The following TNR variants were observed in gnomAD, a reference collection of about 807,000 sequenced individuals.
TNR encodes tenascin-R.
TNR carries 45 observed loss-of-function variants against 150.4 expected under a neutral mutation model. The observed-to-expected ratio is 0.30, with a 90% CI of 0.24 to 0.38. The LOEUF (loss-of-function observed/expected upper bound fraction) is 0.38, where lower values mean the gene tolerates loss of function less well. Ranked by LOEUF, TNR falls within the 10% of genes least tolerant of loss-of-function variation. TNR has a pLI of 1.00. For missense variants in TNR, 1,544 were observed against 1,759.1 expected, an observed-to-expected ratio of 0.88 and a Z score of 2.19; for synonymous variants, 687 against 678.4, an observed-to-expected ratio of 1.01 and a Z score of -0.20.
At chr1:175,515,068 G>C (rs1350202889) in intron 2 of TNR, among the ~76,000 whole-genome samples, 2 of 152,234 alleles carry the variant, frequency 1.3e-5, no homozygotes, top group African/African-American at 4.8e-5. Flanking sequence ...GTCAGGTTAT[G>C]AAAATAAACT....
At chr1:175,676,742 AT>A (rs1289181211) in intron 1 of TNR, among the ~76,000 whole-genome samples, 1 of 152,236 alleles carries the variant, frequency 6.6e-6, no homozygotes, top group Non-Finnish European at 1.5e-5. Context: ...TGGTATGGGC[AT>A]TTACTATTCT....
intron 1 of TNR, among the ~76,000 whole-genome samples, chr1:175,632,533 C>A (rs1409490717): frequency 6.6e-6 from 1 of 152,118 alleles, no homozygotes; most frequent in Admixed American, 6.5e-5. Flanking sequence ...ATGCTGGTAA[C>A]CATGAATTAA....
chr1:175,669,781 G>T (rs1665640805), intron 1 of TNR, among the ~76,000 whole-genome samples: 2 of 152,170 alleles, frequency 1.3e-5, no homozygotes, highest in African/African-American at 2.4e-5. Flanking sequence ...AGGAATGGGT[G>T]GTTCCCTTCC....
intron 7 of TNR, among the ~76,000 whole-genome samples, chr1:175,387,325 T>C (rs895770133): frequency 5.3e-5 from 8 of 152,252 alleles, no homozygotes; most frequent in African/African-American, 1.9e-4. Context: ...CTGGAGCTGA[T>C]TATTAATGTT....
chr1:175,444,890 G>A (rs1557938305), intron 2 of TNR, among the ~76,000 whole-genome samples: 1 of 152,352 alleles, frequency 6.6e-6, no homozygotes, highest in East Asian at 1.9e-4. Flanking sequence ...AGAGGGGAAA[G>A]CCTGTGCAAA....
At chr1:175,696,245 C>CT (rs1239771931) in intron 1 of TNR, among the ~76,000 whole-genome samples, 1 of 45,828 alleles carries the variant, frequency 2.2e-5, no homozygotes, top group African/African-American at 8.6e-5. Flanking sequence ...TTTTTTTTTT[C>CT]CAAAATTTAA....
intron 2 of TNR, among the ~76,000 whole-genome samples, chr1:175,430,429 G>A (rs1209948620): frequency 6.6e-6 from 1 of 152,128 alleles, no homozygotes; most frequent in South Asian, 2.1e-4. Context: ...TTCTCATATT[G>A]CAGGCTAGGA....
rs1404219333 is a variant in TNR at position 175,735,950 on chromosome 1, G to A, written c.-165+7276C>T. Among the ~76,000 whole-genome samples the A allele has an allele frequency of 6.6e-5, 10 of 152,250 alleles. No individual in the cohort carries two copies. The East Asian group carries it at 1.9e-3, about 29-fold the overall frequency. On this transcript the variant is annotated intron_variant, in intron 1 of 22. Transcript: ENST00000367674. ...ATCAGATTGGCTCTTGGTACTAAAA[G>A]AGTAGGAGAAAAAATAGCCAACACA... is the stretch of plus-strand genomic sequence containing the variant.
chr1:175,352,800 G>A (rs550850256), intron 18 of TNR, among the ~76,000 whole-genome samples: 1 of 152,312 alleles, frequency 6.6e-6, no homozygotes, highest in Non-Finnish European at 1.5e-5. Context: ...GAAGGGAGAA[G>A]AGGACTCGTT....
At chr1:175,482,605 A>C (rs912337120) in intron 2 of TNR, among the ~76,000 whole-genome samples, 1 of 152,208 alleles carries the variant, frequency 6.6e-6, no homozygotes, top group Non-Finnish European at 1.5e-5. Flanking sequence ...GCATATGAAA[A>C]CAAATGTACA....
intron 2 of TNR, among the ~76,000 whole-genome samples, chr1:175,448,234 T>C: frequency 6.6e-6 from 1 of 152,222 alleles, no homozygotes; most frequent in East Asian, 1.9e-4. Context: ...TTTTATTTTT[T>C]TGAGATGGAG....
At chr1:175,563,733 T>C (rs1348463272) in intron 1 of TNR, among the ~76,000 whole-genome samples, 4 of 152,250 alleles carry the variant, frequency 2.6e-5, no homozygotes, top group Admixed American at 6.5e-5. Flanking sequence ...GCATCGCTAT[T>C]GGAATGCATG....
rs144163900 is a variant in TNR at position 175,702,287 on chromosome 1, C to T, written c.-165+40939G>A. ...CAGAGGCAGCTTCTCAGCTCTGCCC[C>T]ACCCACTGAGACGCCTGCTCAGTGC... On this transcript the variant is annotated intron_variant, in intron 1 of 22. Coordinates refer to ENST00000367674, the MANE Select transcript of TNR (RefSeq NM_003285.3). Among the ~76,000 whole-genome samples the T allele has an allele frequency of 3.9e-5, 6 of 152,294 alleles. No individual in the cohort carries two copies. In the East Asian group the frequency reaches 1.2e-3, roughly 30 times the overall value.
rs201825857 is a variant in TNR, at chr1:175,324,401, G to A, written c.3912C>T (p.His1304=). ...YKGAWWYKNC[H]RTNLNGKYGE... is the part of the protein sequence containing the mutation. ...CGTACTTCCCATTGAGGTTGGTCCG[G>A]TGGCAGTTCTTATACCACCATGCTC... The change falls in exon 22 of 23, where the codon CAC becomes CAT. Residue 1304 remains histidine (H), a synonymous_variant. Coordinates refer to ENST00000367674, the MANE Select transcript of TNR (RefSeq NM_003285.3). The A allele has an allele frequency of 3.0e-5, 49 of 1,614,102 alleles. No individual in the cohort carries two copies. The highest frequency in any genetic ancestry group is 4.1e-5 in the Non-Finnish European group (48 of 1,180,012).
chr1:175,379,084 C>A (rs1652541906), intron 9 of TNR, among the ~76,000 whole-genome samples: 1 of 150,922 alleles, frequency 6.6e-6, no homozygotes, highest in Admixed American at 6.6e-5. Context: ...GAGGCTGAGG[C>A]AGGAGAATCG....
At chr1:175,568,447 CA>C in intron 1 of TNR, among the ~76,000 whole-genome samples, 1 of 152,318 alleles carries the variant, frequency 6.6e-6, no homozygotes, top group East Asian at 1.9e-4. Context: ...CATCCCTTCC[CA>C]TAGAGAAGAT....
At chr1:175,683,707 G>C (rs896156907) in intron 1 of TNR, among the ~76,000 whole-genome samples, 4 of 152,210 alleles carry the variant, frequency 2.6e-5, no homozygotes, top group Non-Finnish European at 5.9e-5. Context: ...GGCAGGGAAA[G>C]GACAGATGAG....
At chr1:175,386,626 G>C (rs946254842) in intron 7 of TNR, among the ~76,000 whole-genome samples, 1 of 132,340 alleles carries the variant, frequency 7.6e-6, no homozygotes, top group Non-Finnish European at 1.6e-5. Context: ...TGGAGGTCAT[G>C]GGACAGGGAA....
chr1:175,529,835 T>C (rs1363094309), intron 1 of TNR, among the ~76,000 whole-genome samples: 2 of 152,216 alleles, frequency 1.3e-5, no homozygotes, highest in Non-Finnish European at 2.9e-5. Flanking sequence ...GCTTGTCCAA[T>C]ATCTTTTGAA....
Sources: gnomAD v4.1 joint callset for allele counts (sites outside exome capture counted in the v4.1 genomes callset) on GRCh38, gnomAD v4.1.1 for gene constraint, MANE v1.5 for transcripts, NCBI Gene and HGNC (gene_info 2026-07-23, HGNC 2026-07-21) for gene names.